WWOX: variants seen among roughly 807,000 people sequenced by gnomAD.
The protein encoded by WWOX is WW domain containing oxidoreductase.
WWOX carries 69 observed loss-of-function variants against 46.2 expected under a neutral mutation model. The ratio of observed to expected loss-of-function variants is 1.49; its 90% CI spans 1.23 to 1.82. The LOEUF is 1.82. WWOX is among the 40% of genes most tolerant of loss of function. The pLI, the probability that WWOX is intolerant of heterozygous loss-of-function variation, is 0.00. For synonymous variants in WWOX, 359 were observed against 202.6 expected, an observed-to-expected ratio of 1.77 and a Z score of -6.56; for missense variants, 919 against 542.6, an observed-to-expected ratio of 1.69 and a Z score of -6.89.
At chr16:78,725,770 G>A (rs1036421951) in intron 8 of WWOX, among the ~76,000 whole-genome samples, 9 of 152,036 alleles carry the variant, frequency 5.9e-5, no homozygotes, top group Non-Finnish European at 1.3e-4. Flanking sequence ...GAAGGCTCCA[G>A]GGATGATCTA....
chr16:78,485,976 T>C (rs2084626756), intron 8 of WWOX, among the ~76,000 whole-genome samples: 1 of 152,246 alleles, frequency 6.6e-6, no homozygotes, highest in Non-Finnish European at 1.5e-5. Context: ...ATGACTCTGT[T>C]ACCTAGGAGT....
chr16:78,760,971 C>G (rs1338921445), intron 8 of WWOX, among the ~76,000 whole-genome samples: 2 of 152,156 alleles, frequency 1.3e-5, no homozygotes, highest in Non-Finnish European at 2.9e-5. Flanking sequence ...ACCATCAGAT[C>G]TCATGAGACT....
chr16:78,678,638 A>G (rs2047658749), intron 8 of WWOX, among the ~76,000 whole-genome samples: 1 of 152,144 alleles, frequency 6.6e-6, no homozygotes, highest in South Asian at 2.1e-4. Context: ...ACAGGAAAAC[A>G]CATGGAGTCT....
At chr16:78,528,299 C>G (rs1222054355) in intron 8 of WWOX, among the ~76,000 whole-genome samples, 1 of 150,404 alleles carries the variant, frequency 6.6e-6, no homozygotes, top group Non-Finnish European at 1.5e-5. Flanking sequence ...CAGACATGAG[C>G]CACCACACCC....
chr16:78,560,517 G>C (rs1432692074), intron 8 of WWOX, among the ~76,000 whole-genome samples: 1 of 152,108 alleles, frequency 6.6e-6, no homozygotes, highest in African/African-American at 2.4e-5. Flanking sequence ...GGCGGTGCAT[G>C]CCTGTAATCC....
At chr16:78,100,013 A>C (rs1222353686) in intron 1 of WWOX, 128 bp downstream of exon 1, 2 of 1,475,906 alleles carry the variant, frequency 1.4e-6, no homozygotes, top group Non-Finnish European at 9.0e-7. Flanking sequence ...ACTGTTAAGG[A>C]GCTTCAGGGA....
At chr16:78,568,527 G>A (rs1402037506) in intron 8 of WWOX, among the ~76,000 whole-genome samples, 1 of 145,756 alleles carries the variant, frequency 6.9e-6, no homozygotes, top group African/African-American at 2.6e-5. Flanking sequence ...CCAGGCTGGA[G>A]TGCAGTGGCC....
intron 8 of WWOX, among the ~76,000 whole-genome samples, chr16:78,923,924 C>T (rs566751477): frequency 2.8e-4 from 43 of 151,644 alleles, no homozygotes; most frequent in Middle Eastern, 3.4e-3. Context: ...CTCAGCCTCC[C>T]GAGCAGCTGG....
chr16:78,650,558 T>TG (rs2046944417), intron 8 of WWOX, among the ~76,000 whole-genome samples: 1 of 152,176 alleles, frequency 6.6e-6, no homozygotes, highest in South Asian at 2.1e-4. Flanking sequence ...TGCCTGCAAA[T>TG]GCATTTTTCA....
chr16:79,183,164 G>C (rs1291040007), intron 8 of WWOX, among the ~76,000 whole-genome samples: 1 of 152,222 alleles, frequency 6.6e-6, no homozygotes, highest in African/African-American at 2.4e-5. Flanking sequence ...CGTGAGCAGA[G>C]CAGGTGGCAG....
At chr16:78,969,265 C>G (rs1479711602) in intron 8 of WWOX, among the ~76,000 whole-genome samples, 3 of 135,810 alleles carry the variant, frequency 2.2e-5, no homozygotes, top group African/African-American at 7.8e-5. Flanking sequence ...CTCTCTCTCT[C>G]TCTCTTTTTT....
At position 78,983,782 on chromosome 16, in the gene WWOX, A is replaced by T. The variant is rs547304274; in HGVS notation, c.1057-227826A>T. 1.1e-4 allele frequency among the ~76,000 whole-genome samples: 17 copies of T among 151,976 alleles called. No homozygotes were observed. The South Asian group carries it at 3.3e-3, about 30-fold the overall frequency. On this transcript the variant is annotated intron_variant, in intron 8 of 8. Transcript: ENST00000566780. ...ATTGTGTTAAACCCCTGTGACTTTG[A>T]GACATATCTCCTACAGCAGGTGGAG...
intron 8 of WWOX, among the ~76,000 whole-genome samples, chr16:78,702,101 TA>T (rs2048235636): frequency 1.4e-4 from 2 of 14,636 alleles, no homozygotes; most frequent in Non-Finnish European, 1.7e-4. Flanking sequence ...TCTATAAAGT[TA>T]TATATATATA....
intron 5 of WWOX, among the ~76,000 whole-genome samples, chr16:78,254,516 T>TTTTTTTTTTG (rs1436220393): frequency 1.4e-5 from 2 of 139,160 alleles, no homozygotes; most frequent in Non-Finnish European, 1.5e-5. Context: ...TTTTTTTTTT[T>TTTTTTTTTTG]TTTGTTTGAC....
At chr16:78,858,919 C>G (rs1339440808) in intron 8 of WWOX, among the ~76,000 whole-genome samples, 1 of 148,008 alleles carries the variant, frequency 6.8e-6, no homozygotes, top group African/African-American at 2.5e-5. Context: ...GCTCAAGTTA[C>G]CCTCCCACCT....
intron 8 of WWOX, chr16:79,204,439 A>T (rs1397239772): frequency 1.3e-5 from 2 of 152,074 alleles, no homozygotes; most frequent in Non-Finnish European, 2.9e-5. Context: ...ACCCCAGCAA[A>T]GCATGTCTAG....
At chr16:78,522,277 A>G (rs2043365321) in intron 8 of WWOX, among the ~76,000 whole-genome samples, 1 of 152,204 alleles carries the variant, frequency 6.6e-6, no homozygotes, top group African/African-American at 2.4e-5. Context: ...TTAAAAAAAA[A>G]AACTAGTGAA....
At chr16:78,792,232 C>G (rs2050622704) in intron 8 of WWOX, among the ~76,000 whole-genome samples, 1 of 152,150 alleles carries the variant, frequency 6.6e-6, no homozygotes, top group Non-Finnish European at 1.5e-5. Flanking sequence ...CATTGCTCTG[C>G]TCATCTTTCT....
chr16:78,349,002 G>C (rs1207043618), intron 5 of WWOX, among the ~76,000 whole-genome samples: 1 of 119,842 alleles, frequency 8.3e-6, no homozygotes, highest in African/African-American at 2.8e-5. Flanking sequence ...GTCTGCTCAG[G>C]CTGCCATAAC....
Sources: gnomAD v4.1 joint callset for allele counts (sites outside exome capture counted in the v4.1 genomes callset) on GRCh38, gnomAD v4.1.1 for gene constraint, MANE v1.5 for transcripts, NCBI Gene and HGNC (gene_info 2026-07-23, HGNC 2026-07-21) for gene names.